ZNF678: variants seen among roughly 807,000 people sequenced by gnomAD.
ZNF678 encodes zinc finger protein 678, also known as hypothetical protein MGC42493.
In ZNF678, 5 loss-of-function variants were observed where a neutral mutation model predicts 3.0. That is an observed-to-expected ratio of 1.69 (90% CI 0.88 to 3.56). The LOEUF is 3.56. ZNF678 is among the 30% of genes most tolerant of loss of function. The pLI is 0.00. For missense variants in ZNF678, 593 were observed against 605.0 expected (o/e 0.98, Z 0.21); for synonymous variants, 218 against 199.6 (o/e 1.09, Z -0.78).
At chr1:227,666,388 A>G (rs1245839402), downstream of ZNF678, among the ~76,000 whole-genome samples, 1 of 152,172 alleles carries the variant, frequency 6.6e-6, no homozygotes, top group African/African-American at 2.4e-5. Flanking sequence ...TTGTGTCTGG[A>G]TACTATTTAC....
At chr1:227,662,828 C>T (rs1659438603), downstream of ZNF678, among the ~76,000 whole-genome samples, 1 of 152,148 alleles carries the variant, frequency 6.6e-6, no homozygotes, top group South Asian at 2.1e-4. Context: ...AAGTTTTACC[C>T]ATGCATATTC....
At position 227,620,977 on chromosome 1, in the gene ZNF678, G is replaced by A. The variant is rs1419054791; in HGVS notation, c.-163-25567G>A. Among the ~76,000 whole-genome samples the A allele has an allele frequency of 3.3e-5, 5 of 152,202 alleles. No individual in the cohort carries two copies. The South Asian group carries it at 1.0e-3, about 32-fold the overall frequency. On this transcript the variant is annotated intron_variant, in intron 1 of 3. Transcript: ENST00000343776. Reference sequence around the variant, plus strand: ...CTCAGATTAAAAAGTTTCTTGCCAGGTGCCATGGGTCACACCTGGAATCCC... The same window carrying A: ...CTCAGATTAAAAAGTTTCTTGCCAGATGCCATGGGTCACACCTGGAATCCC...
At chr1:227,636,175 A>G (rs1015925979) in intron 1 of ZNF678, among the ~76,000 whole-genome samples, 1 of 152,116 alleles carries the variant, frequency 6.6e-6, no homozygotes, top group Non-Finnish European at 1.5e-5. Context: ...TACTGCCCCT[A>G]CCAGTGTTTT....
chr1:227,595,060 G>A (rs964417186), intron 1 of ZNF678, among the ~76,000 whole-genome samples: 2 of 152,186 alleles, frequency 1.3e-5, no homozygotes, highest in African/African-American at 4.8e-5. Context: ...TGACAACAAA[G>A]TGGTATTGGA....
At chr1:227,624,221 T>C (rs1208420477) in intron 1 of ZNF678, among the ~76,000 whole-genome samples, 1 of 152,232 alleles carries the variant, frequency 6.6e-6, no homozygotes, top group African/African-American at 2.4e-5. Flanking sequence ...TCTTATGTCT[T>C]CAAGTATATT....
intron 1 of ZNF678, among the ~76,000 whole-genome samples, chr1:227,595,151 C>T (rs543774670): frequency 3.0e-4 from 37 of 123,350 alleles, no homozygotes; most frequent in African/African-American, 1.2e-3. Flanking sequence ...GAATAAGGTA[C>T]GCTGTTTTTT....
chr1:227,589,678 G>C (rs1657358424), intron 1 of ZNF678, among the ~76,000 whole-genome samples: 1 of 151,678 alleles, frequency 6.6e-6, no homozygotes, highest in Non-Finnish European at 1.5e-5. Flanking sequence ...GCATGCACCA[G>C]TAATCAGAAC....
At chr1:227,577,334 G>A (rs907790114) in intron 1 of ZNF678, among the ~76,000 whole-genome samples, 4 of 152,130 alleles carry the variant, frequency 2.6e-5, no homozygotes, top group African/African-American at 9.7e-5. Flanking sequence ...TGTCAGTGGG[G>A]TATTAAAGCC....
chr1:227,575,314 A>G (rs1413465930), intron 1 of ZNF678, among the ~76,000 whole-genome samples: 1 of 152,218 alleles, frequency 6.6e-6, no homozygotes, highest in African/African-American at 2.4e-5. Context: ...ATAGCATTGA[A>G]TCTATAAATT....
At chr1:227,645,474 G>A (rs902356704) in intron 1 of ZNF678, among the ~76,000 whole-genome samples, 3 of 151,986 alleles carry the variant, frequency 2.0e-5, no homozygotes, top group Non-Finnish European at 2.9e-5. Context: ...ATAGTCAGGG[G>A]GCTCTGAAAA....
intron 1 of ZNF678, among the ~76,000 whole-genome samples, chr1:227,589,736 C>T (rs75133143): frequency 0.078 from 11,860 of 151,790 alleles, 714 homozygotes; most frequent in Middle Eastern, 0.19. Context: ...CATACAATGT[C>T]TGGAATCTAT....
intron 1 of ZNF678, among the ~76,000 whole-genome samples, chr1:227,646,270 A>G (rs1040031682): frequency 1.3e-5 from 2 of 152,244 alleles, no homozygotes; most frequent in Non-Finnish European, 2.9e-5. Context: ...TAATGTAAAT[A>G]TAGCTGTCCA....
intron 1 of ZNF678, among the ~76,000 whole-genome samples, chr1:227,636,040 C>T (rs906782893): frequency 3.3e-5 from 5 of 152,066 alleles, no homozygotes; most frequent in Non-Finnish European, 5.9e-5. Flanking sequence ...TCCATCGTGT[C>T]GTTGTAGCAG....
In ZNF678 at chr1:227,654,745, G is replaced by A. The variant is rs775141189; in HGVS notation, c.495G>A (p.Trp165Ter). Residue 165 changes from tryptophan (W) to a stop codon, truncating the protein, a stop_gained, in exon 4 of 4, where the codon TGG becomes TGA. Coordinates refer to ENST00000343776, the MANE Select transcript of ZNF678 (RefSeq NM_001367909.1). LOFTEE classifies it low-confidence loss of function (END_TRUNC). The part of the protein sequence containing the change: ...CDECGKVFNW[W>*]SQLTNHKKIH... ...AATGTGGCAAAGTTTTTAATTGGTG[G>A]TCACAACTAACTAACCATAAGAAAA... 10 of 1,611,014 alleles carry A rather than the reference G, an allele frequency of 6.2e-6. No homozygotes were observed. The highest frequency in any genetic ancestry group is 8.5e-6 in the Non-Finnish European group (10 of 1,178,700).
chr1:227,609,891 G>T (rs1571884360), intron 1 of ZNF678, among the ~76,000 whole-genome samples: 1 of 152,074 alleles, frequency 6.6e-6, no homozygotes, highest in African/African-American at 2.4e-5. Flanking sequence ...GTGCCACCAC[G>T]CCCAGCTAAT....
intron 1 of ZNF678, among the ~76,000 whole-genome samples, chr1:227,618,515 G>A (rs1054190331): frequency 2.6e-4 from 40 of 152,220 alleles, no homozygotes; most frequent in African/African-American, 9.6e-4. Flanking sequence ...TCTATGGAGA[G>A]GCTCCTCTGT....
intron 5 of ZNF678, among the ~76,000 whole-genome samples, chr1:227,676,877 T>G (rs559918410): frequency 3.9e-5 from 6 of 152,198 alleles, no homozygotes; most frequent in Admixed American, 6.5e-5. Flanking sequence ...TTGCATAGTA[T>G]TCCATGGTGT....
At chr1:227,678,914 C>T (rs1393349313), downstream of ZNF678, among the ~76,000 whole-genome samples, 7 of 152,108 alleles carry the variant, frequency 4.6e-5, no homozygotes, top group Non-Finnish European at 7.3e-5. Flanking sequence ...AGCTTTAATC[C>T]TTACATCTCT....
intron 1 of ZNF678, among the ~76,000 whole-genome samples, chr1:227,619,456 G>A (rs1031927786): frequency 3.3e-5 from 5 of 152,018 alleles, no homozygotes; most frequent in Non-Finnish European, 7.4e-5. Flanking sequence ...TCGAACTTAT[G>A]GAGTCTGTGC....
Sources: allele counts gnomAD v4.1 joint callset (sites outside exome capture counted in the v4.1 genomes callset), GRCh38; gene constraint gnomAD v4.1.1; transcripts MANE v1.5; gene names NCBI Gene and HGNC (gene_info 2026-07-23, HGNC 2026-07-21).